The following MAGI3 variants were observed in gnomAD, a reference collection of about 807,000 sequenced individuals.
MAGI3 encodes membrane associated guanylate kinase, WW and PDZ domain containing 3.
Under a neutral mutation model 121.8 loss-of-function variants are expected in MAGI3, and 43 were observed. That is an observed-to-expected ratio of 0.35 (90% CI 0.28 to 0.46). MAGI3 has a LOEUF of 0.46. MAGI3 is among the 20% of genes least tolerant of loss of function. The pLI is 1.00. For synonymous variants in MAGI3, 553 were observed against 639.3 expected (o/e 0.86, Z 2.04); for missense variants, 1,547 against 1,797.3 (o/e 0.86, Z 2.52).
intron 10 of MAGI3, 39 bp from the exon 11 acceptor site, chr1:113,643,704 A>G (rs1652676061): frequency 1.2e-6 from 2 of 1,604,492 alleles, no homozygotes; most frequent in Admixed American, 1.7e-5. Context: ...CTGGGAATGC[A>G]TCCTCTGGTT....
In MAGI3 at chr1:113,403,395, A is replaced by G. The variant is rs554753941; in HGVS notation, c.316+12046A>G. On this transcript the variant is annotated intron_variant, in intron 1 of 20. Transcript: ENST00000307546. ...GAACTGGTGACTAGATGCTGTTATG[A>G]TGAATCTGGTCCCTGCTGCCTTTGC... Among the ~76,000 whole-genome samples, 11 of 152,236 alleles carry G rather than the reference A, an allele frequency of 7.2e-5. No individual in the cohort carries two copies. In the South Asian group the frequency reaches 2.3e-3, roughly 32 times the overall value.
intron 1 of MAGI3, among the ~76,000 whole-genome samples, chr1:113,488,586 G>A (rs1395247244): frequency 2.6e-5 from 4 of 152,200 alleles, no homozygotes; most frequent in African/African-American, 9.7e-5. Context: ...CCCTCCCTAT[G>A]TTGCAGTTTC....
chr1:113,653,953 A>G lies in MAGI3; in HGVS notation c.2564A>G (p.Gln855Arg). 2 of 1,613,964 alleles carry G rather than the reference A, an allele frequency of 1.2e-6. No homozygotes were observed. Among genetic ancestry groups the G allele is most frequent in the Non-Finnish European group, 1.7e-6 (2 of 1,179,924 alleles). The change falls in exon 15 of 21, where the codon CAA (glutamine) becomes CGA (arginine). Residue 855 changes from glutamine (Q) to arginine (R), a missense_variant. Gln to Arg is a conservative substitution (Grantham distance 43, BLOSUM62 1). Transcript: ENST00000307546. ...APQEPYDVVLQRKENEGFGFV... is the reference protein window; with the variant it reads ...APQEPYDVVLRRKENEGFGFV... ...CAGGAGCCCTATGATGTTGTCTTGC[A>G]ACGAAAAGAAAATGAAGGATTTGGC... is the stretch of plus-strand genomic sequence containing the variant.
chr1:113,603,219 G>T (rs1347066012), intron 6 of MAGI3, among the ~76,000 whole-genome samples: 1 of 152,062 alleles, frequency 6.6e-6, no homozygotes, highest in Admixed American at 6.5e-5. Context: ...TTGAAACTGT[G>T]CACACAAAGT....
chr1:113,599,490 C>T (rs900985206), intron 6 of MAGI3, among the ~76,000 whole-genome samples: 10 of 152,054 alleles, frequency 6.6e-5, no homozygotes, highest in Admixed American at 3.9e-4. Flanking sequence ...ATAAATTCCT[C>T]GACACATACA....
At chr1:113,643,908 GTATT>G in intron 11 of MAGI3, 134 bp downstream of exon 11, 1 of 927,150 alleles carries the variant, frequency 1.1e-6, no homozygotes, top group African/African-American at 1.7e-5. Flanking sequence ...CCCTTGGCTT[GTATT>G]TATTAGAAAC....
chr1:113,524,179 G>A (rs1046267862), intron 1 of MAGI3, among the ~76,000 whole-genome samples: 3 of 152,216 alleles, frequency 2.0e-5, no homozygotes, highest in Non-Finnish European at 4.4e-5. Context: ...GGATGTCCAG[G>A]CAGAAGTTTG....
intron 16 of MAGI3, among the ~76,000 whole-genome samples, chr1:113,665,539 A>G (rs1026746625): frequency 1.3e-5 from 2 of 152,148 alleles, no homozygotes; most frequent in African/African-American, 4.8e-5. Flanking sequence ...AAAAAAATCA[A>G]AGTGCAGTTT....
At chr1:113,528,278 C>T (rs1213869302) in intron 1 of MAGI3, among the ~76,000 whole-genome samples, 3 of 148,796 alleles carry the variant, frequency 2.0e-5, no homozygotes, top group East Asian at 2.0e-4. Context: ...GTTTGAAAAT[C>T]TTCACCTCCC....
chr1:113,443,895 G>A (rs1654037351), intron 1 of MAGI3, among the ~76,000 whole-genome samples: 2 of 152,154 alleles, frequency 1.3e-5, no homozygotes, highest in Non-Finnish European at 2.9e-5. Context: ...CATTTCAGTG[G>A]TTTTTAGTGT....
chr1:113,592,904 C>T (rs61819423), intron 5 of MAGI3, among the ~76,000 whole-genome samples: 36,696 of 151,854 alleles, frequency 0.24, 4,900 homozygotes, highest in South Asian at 0.38. Context: ...CCCAGCTACT[C>T]GGGAGGCTGA....
At chr1:113,601,899 AT>A (rs1235767067) in intron 6 of MAGI3, among the ~76,000 whole-genome samples, 1 of 149,550 alleles carries the variant, frequency 6.7e-6, no homozygotes, top group Non-Finnish European at 1.5e-5. Context: ...GCCATAAAAA[AT>A]GATGAGTTCA....
rs560819186 is a variant in MAGI3, at chr1:113,635,155, A to T, written c.1361-6756A>T. Among the ~76,000 whole-genome samples the T allele has an allele frequency of 3.9e-4, 60 of 152,324 alleles. 1 individual carries two copies. In the East Asian group the frequency reaches 7.9e-3, roughly 20 times the overall value. On this transcript the variant is annotated intron_variant, in intron 9 of 20. Coordinates refer to ENST00000307546, the MANE Select transcript of MAGI3 (RefSeq NM_001142782.2). The stretch of plus-strand genomic sequence containing the variant: ...AGACAATGGGGTTTTCTAGATATAC[A>T]ATCATGTCATCTGCAAACAGGGACA...
intron 1 of MAGI3, among the ~76,000 whole-genome samples, chr1:113,401,250 C>G (rs975617198): frequency 2.0e-5 from 3 of 152,042 alleles, no homozygotes; most frequent in Admixed American, 6.6e-5. Context: ...TCCAAAAAAC[C>G]TGTCTTCCTT....
chr1:113,543,069 A>G (rs1056731289), intron 1 of MAGI3, among the ~76,000 whole-genome samples: 10 of 151,784 alleles, frequency 6.6e-5, no homozygotes, highest in African/African-American at 2.2e-4. Context: ...TAATAATGAT[A>G]ATAATTCTAA....
At chr1:113,595,972 G>A (rs759429130) in intron 6 of MAGI3, among the ~76,000 whole-genome samples, 24 of 151,868 alleles carry the variant, frequency 1.6e-4, no homozygotes, top group Non-Finnish European at 1.3e-4. Context: ...TTGAGGCTGC[G>A]GTGAACCATG....
intron 1 of MAGI3, among the ~76,000 whole-genome samples, chr1:113,421,067 CAG>C (rs1247161010): frequency 1.3e-5 from 2 of 151,480 alleles, no homozygotes; most frequent in African/African-American, 4.9e-5. Context: ...TTTGCTGAAA[CAG>C]AGTGAAATTG....
At chr1:113,393,786 A>C (rs545310913) in intron 1 of MAGI3, among the ~76,000 whole-genome samples, 2 of 152,176 alleles carry the variant, frequency 1.3e-5, no homozygotes, top group East Asian at 3.8e-4. Flanking sequence ...TGCCATAAAC[A>C]TTGTTTTATT....
Position 113,580,557 on chromosome 1 carries a change from C to A in MAGI3, c.449C>A (p.Pro150His). 6.2e-7 allele frequency: 1 copy of A among 1,610,154 alleles called. No homozygotes were observed. Among genetic ancestry groups the A allele is most frequent in the Non-Finnish European group, 8.5e-7 (1 of 1,177,832 alleles). ...TTTTTCTTAGGCACTACAAGGGCCC[C>A]CAGGGATGGAGAAGTACCAGGAGTG... The part of the protein sequence containing the change: ...LRTIPCTTRA[P>H]RDGEVPGVDY... The change falls in exon 3 of 21, where the codon CCC becomes CAC. Residue 150 changes from proline to histidine, a missense_variant. Transcript: ENST00000307546.
Sources: allele counts gnomAD v4.1 joint callset (sites outside exome capture counted in the v4.1 genomes callset), GRCh38; gene constraint gnomAD v4.1.1; transcripts MANE v1.5; gene names NCBI Gene and HGNC (gene_info 2026-07-23, HGNC 2026-07-21).